LYPD6B: variants seen among roughly 807,000 people sequenced by gnomAD.
LYPD6B encodes the protein LY6/PLAUR domain containing 6B.
Under a neutral mutation model 22.8 loss-of-function variants are expected in LYPD6B, and 17 were observed. The ratio of observed to expected loss-of-function variants is 0.75; its 90% CI spans 0.51 to 1.12. The LOEUF is 1.12. Ranked by LOEUF, LYPD6B falls within the 50% of genes most tolerant of loss-of-function variation. The pLI is 0.00. For missense variants in LYPD6B, 221 were observed against 258.3 expected, an observed-to-expected ratio of 0.86 and a Z score of 0.99; for synonymous variants, 106 against 91.6, an observed-to-expected ratio of 1.16 and a Z score of -0.90.
intron 1 of LYPD6B, among the ~76,000 whole-genome samples, chr2:149,113,338 C>T (rs985858019): frequency 6.6e-6 from 1 of 152,220 alleles, no homozygotes; most frequent in Non-Finnish European, 1.5e-5. Flanking sequence ...TTTCAAAGGA[C>T]TCAATAATGC....
intron 1 of LYPD6B, among the ~76,000 whole-genome samples, chr2:149,129,592 G>A (rs190497517): frequency 6.6e-6 from 1 of 152,354 alleles, no homozygotes; most frequent in Non-Finnish European, 1.5e-5. Flanking sequence ...ACGGAATGCA[G>A]CCTCAGTTGT....
intron 2 of LYPD6B, among the ~76,000 whole-genome samples, chr2:149,160,164 A>G (rs1689966366): frequency 6.6e-6 from 1 of 152,136 alleles, no homozygotes; most frequent in Non-Finnish European, 1.5e-5. Context: ...ACCAAAAAAA[A>G]AGGTATAAAT....
At chr2:149,120,298 C>CATAT (rs36091042) in intron 1 of LYPD6B, among the ~76,000 whole-genome samples, 53 of 123,648 alleles carry the variant, frequency 4.3e-4, no homozygotes, top group Non-Finnish European at 7.3e-4. Context: ...TGTATATACA[C>CATAT]ATATATATAT....
intron 1 of LYPD6B, among the ~76,000 whole-genome samples, chr2:149,104,603 A>G (rs891190781): frequency 2.6e-5 from 4 of 152,136 alleles, no homozygotes; most frequent in Admixed American, 2.6e-4. Flanking sequence ...ATTCTTATAT[A>G]TTCTGTATGC....
intron 3 of LYPD6B, among the ~76,000 whole-genome samples, chr2:149,189,460 T>C (rs760148248): frequency 6.6e-6 from 1 of 150,782 alleles, no homozygotes; most frequent in African/African-American, 2.4e-5. Flanking sequence ...GTGTTTTTAA[T>C]CTTAAAAATG....
At chr2:149,060,654 C>A (rs112823635) in intron 1 of LYPD6B, among the ~76,000 whole-genome samples, 1 of 152,240 alleles carries the variant, frequency 6.6e-6, no homozygotes, top group African/African-American at 2.4e-5. Flanking sequence ...GGCAGCTTCC[C>A]AAGGCAGTGG....
chr2:149,051,724 G>C (rs1324899638), intron 1 of LYPD6B, among the ~76,000 whole-genome samples: 1 of 151,998 alleles, frequency 6.6e-6, no homozygotes, highest in Non-Finnish European at 1.5e-5. Flanking sequence ...GAAGTGCAGT[G>C]GTGCAATCTT....
intron 3 of LYPD6B, among the ~76,000 whole-genome samples, chr2:149,179,092 C>T (rs183456361): frequency 2.0e-5 from 3 of 152,286 alleles, no homozygotes; most frequent in East Asian, 1.9e-4. Flanking sequence ...AGGCAGGAGA[C>T]GAGTGCATGC....
At chr2:149,202,670 G>A (rs980466850) in intron 3 of LYPD6B, among the ~76,000 whole-genome samples, 1 of 152,052 alleles carries the variant, frequency 6.6e-6, no homozygotes. Context: ...ACCTTGTTGG[G>A]GAGTCAGCGA....
At chr2:149,176,922 C>T (rs767232107) in intron 3 of LYPD6B, among the ~76,000 whole-genome samples, 2 of 152,208 alleles carry the variant, frequency 1.3e-5, no homozygotes, top group Non-Finnish European at 2.9e-5. Flanking sequence ...TGCCTCTCCC[C>T]ATACACACAC....
intron 5 of LYPD6B, among the ~76,000 whole-genome samples, chr2:149,212,153 G>A (rs1395939178): frequency 9.9e-5 from 15 of 151,762 alleles, no homozygotes; most frequent in Non-Finnish European, 1.0e-4. Context: ...CGAGGCGGGC[G>A]GATCATGAGG....
intron 1 of LYPD6B, among the ~76,000 whole-genome samples, chr2:149,119,472 T>A (rs1050793820): frequency 2.0e-5 from 3 of 152,242 alleles, no homozygotes; most frequent in African/African-American, 7.2e-5. Flanking sequence ...ATGGGGAAAG[T>A]ACATTTCTCT....
intron 1 of LYPD6B, among the ~76,000 whole-genome samples, chr2:149,100,852 AG>A (rs1686171465): frequency 6.6e-6 from 1 of 152,228 alleles, no homozygotes; most frequent in Non-Finnish European, 1.5e-5. Flanking sequence ...TCAAAGTGTA[AG>A]AAGCAAAACA....
chr2:149,181,833 A>T (rs1026963316), intron 3 of LYPD6B, among the ~76,000 whole-genome samples: 3 of 152,016 alleles, frequency 2.0e-5, no homozygotes, highest in Non-Finnish European at 4.4e-5. Context: ...AAAATCTTAC[A>T]TCCTATTTTT....
chr2:149,109,312 T>A (rs886995415), intron 1 of LYPD6B, among the ~76,000 whole-genome samples: 2 of 152,184 alleles, frequency 1.3e-5, no homozygotes, highest in African/African-American at 4.8e-5. Context: ...TTTTTCTTTT[T>A]TCTTTCAGCA....
rs980112340 is a variant in LYPD6B at position 149,128,848 on chromosome 2, C to T, written c.-66-2035C>T. On this transcript the variant is annotated intron_variant, in intron 1 of 6. Transcript: ENST00000409642. ...GAACATATCACCTACTTTTTCTTTG[C>T]TTTTGAGAGACTGCTCTATTTTTTA... is the stretch of plus-strand genomic sequence containing the variant. Among the ~76,000 whole-genome samples the T allele has an allele frequency of 2.6e-5, 4 of 152,104 alleles. No homozygotes were observed. The South Asian group carries it at 6.2e-4, about 24-fold the overall frequency.
At chr2:149,070,790 T>C (rs1296649102) in intron 1 of LYPD6B, among the ~76,000 whole-genome samples, 1 of 152,204 alleles carries the variant, frequency 6.6e-6, no homozygotes, top group Non-Finnish European at 1.5e-5. Flanking sequence ...TAGTATCTGG[T>C]GTATAGAGGC....
At chr2:149,191,389 A>G (rs1021639693) in intron 3 of LYPD6B, among the ~76,000 whole-genome samples, 5 of 152,112 alleles carry the variant, frequency 3.3e-5, no homozygotes, top group Middle Eastern at 3.2e-3. Context: ...TGAGGTATGT[A>G]TCCAACCATA....
chr2:149,059,736 T>C (rs114013692), intron 1 of LYPD6B, among the ~76,000 whole-genome samples: 283 of 152,276 alleles, frequency 1.9e-3, no homozygotes, highest in Non-Finnish European at 3.0e-3. Flanking sequence ...GGGGCTTTCA[T>C]CCTACTCAGA....
Sources: allele counts gnomAD v4.1 joint callset (sites outside exome capture counted in the v4.1 genomes callset), GRCh38; gene constraint gnomAD v4.1.1; transcripts MANE v1.5; gene names NCBI Gene and HGNC (gene_info 2026-07-23, HGNC 2026-07-21).